CSMD1: variants seen among roughly 807,000 people sequenced by gnomAD.
CSMD1 encodes CUB and sushi domain-containing protein 1.
CSMD1 carries 213 observed loss-of-function variants against 417.5 expected under a neutral mutation model. The observed-to-expected ratio is 0.51, with a 90% CI of 0.46 to 0.57. CSMD1 has a LOEUF of 0.57. CSMD1 is among the 20% of genes least tolerant of loss of function. The pLI, the probability that CSMD1 is intolerant of heterozygous loss-of-function variation, is 0.00. For missense variants in CSMD1, 6,923 were observed against 4,529.7 expected, an observed-to-expected ratio of 1.53 and a Z score of -15.17; for synonymous variants, 2,862 against 1,736.8, an observed-to-expected ratio of 1.65 and a Z score of -16.11.
chr8:3,240,739 G>A (rs902274874), intron 26 of CSMD1, among the ~76,000 whole-genome samples: 5 of 152,108 alleles, frequency 3.3e-5, no homozygotes, highest in Admixed American at 6.5e-5. Context: ...GGGAGGTATC[G>A]AGGTTAGGAG....
intron 3 of CSMD1, among the ~76,000 whole-genome samples, chr8:4,241,876 A>T (rs540404626): frequency 1.2e-4 from 18 of 152,246 alleles, no homozygotes; most frequent in African/African-American, 2.4e-4. Context: ...AGAGAGAAAG[A>T]TGGAGGCAGA....
In CSMD1 at chr8:3,708,429, G is replaced by A. The variant is rs1801302689; in HGVS notation, c.994C>T (p.His332Tyr). 6.2e-7 allele frequency: 1 copy of A among 1,613,814 alleles called. No homozygotes were observed. Among genetic ancestry groups the A allele is most frequent in the Non-Finnish European group, 8.5e-7 (1 of 1,179,764 alleles). Residue 332 changes from histidine to tyrosine, a missense_variant, in exon 7 of 70, where the codon CAT becomes TAT. Physicochemically the swap from His to Tyr is moderately conservative, Grantham distance 83. Coordinates refer to ENST00000635120, the MANE Select transcript of CSMD1 (RefSeq NM_033225.6). ...VKMLPSKDGS[H>Y]KNSVLSQGGV... ...AGGGACTCACAGACAGAGTTTTTAT[G>A]GCTTCCATCCTTGCTGGGCAGCATC...
chr8:3,643,185 C>A (rs555401942), intron 7 of CSMD1, among the ~76,000 whole-genome samples: 5 of 151,966 alleles, frequency 3.3e-5, no homozygotes, highest in East Asian at 3.9e-4. Context: ...CCAGGAAGCT[C>A]AGGGAAAACC....
At chr8:3,623,527 T>A (rs1796357535) in intron 7 of CSMD1, among the ~76,000 whole-genome samples, 2 of 152,214 alleles carry the variant, frequency 1.3e-5, no homozygotes, top group South Asian at 4.1e-4. Context: ...GCGCTAAAAA[T>A]AATTACAATG....
intron 1 of CSMD1, among the ~76,000 whole-genome samples, chr8:4,724,141 C>A (rs1001188949): frequency 2.0e-5 from 3 of 152,068 alleles, no homozygotes; most frequent in Non-Finnish European, 4.4e-5. Context: ...CCTCCTCTTG[C>A]AAACAAAATA....
intron 54 of CSMD1, among the ~76,000 whole-genome samples, chr8:2,987,431 T>C (rs1001791046): frequency 1.3e-5 from 2 of 148,354 alleles, no homozygotes; most frequent in Admixed American, 1.3e-4. Flanking sequence ...TACATAAATA[T>C]ATATAAGAAA....
chr8:4,109,403 A>G (rs942908423), intron 3 of CSMD1, among the ~76,000 whole-genome samples: 3 of 152,186 alleles, frequency 2.0e-5, no homozygotes, highest in African/African-American at 7.2e-5. Flanking sequence ...AGCAAAAATA[A>G]AGAATCTTAA....
At chr8:4,696,667 G>T (rs1031950935) in intron 1 of CSMD1, among the ~76,000 whole-genome samples, 2 of 151,978 alleles carry the variant, frequency 1.3e-5, no homozygotes, top group Admixed American at 1.3e-4. Flanking sequence ...TTTTATTGTT[G>T]TCTTTATCCA....
At chr8:4,108,656 C>A (rs1801694899) in intron 3 of CSMD1, among the ~76,000 whole-genome samples, 2 of 152,206 alleles carry the variant, frequency 1.3e-5, no homozygotes, top group Admixed American at 1.3e-4. Flanking sequence ...CCACCTGACA[C>A]TTTCGACAAA....
chr8:3,648,740 C>G (rs998430422), intron 7 of CSMD1, among the ~76,000 whole-genome samples: 6 of 152,174 alleles, frequency 3.9e-5, no homozygotes, highest in African/African-American at 1.4e-4. Context: ...TGGCTCATGT[C>G]TGTGCACCTG....
intron 3 of CSMD1, among the ~76,000 whole-genome samples, chr8:4,384,129 A>G (rs890209035): frequency 1.3e-5 from 2 of 152,188 alleles, no homozygotes; most frequent in African/African-American, 4.8e-5. Flanking sequence ...TTCAGCTTTT[A>G]TCATACTTGA....
intron 7 of CSMD1, among the ~76,000 whole-genome samples, chr8:3,651,476 G>C (rs1168650088): frequency 3.3e-5 from 5 of 151,968 alleles, no homozygotes; most frequent in East Asian, 1.9e-4. Context: ...TCCCTTTCTA[G>C]AACACTCTTC....
At chr8:3,388,091 C>A (rs149186794) in intron 17 of CSMD1, among the ~76,000 whole-genome samples, 2 of 152,090 alleles carry the variant, frequency 1.3e-5, no homozygotes, top group African/African-American at 4.8e-5. Flanking sequence ...TTTATATATT[C>A]CAGTTAGATT....
chr8:4,279,399 T>A, intron 3 of CSMD1, among the ~76,000 whole-genome samples: 1 of 152,202 alleles, frequency 6.6e-6, no homozygotes, highest in East Asian at 1.9e-4. Flanking sequence ...GGATTCTGAA[T>A]CACCATTAAA....
intron 3 of CSMD1, among the ~76,000 whole-genome samples, chr8:4,199,891 T>G (rs868725511): frequency 2.0e-5 from 3 of 152,152 alleles, no homozygotes; most frequent in African/African-American, 7.2e-5. Flanking sequence ...AGGCCCTTAG[T>G]GGAAGACAAG....
chr8:3,279,366 C>G (rs1802560622), intron 26 of CSMD1, among the ~76,000 whole-genome samples: 1 of 152,162 alleles, frequency 6.6e-6, no homozygotes, highest in Admixed American at 6.5e-5. Context: ...GACTTCTTGT[C>G]AACTCGAATG....
intron 2 of CSMD1, among the ~76,000 whole-genome samples, chr8:4,428,861 G>A (rs1259698845): frequency 1.3e-5 from 2 of 151,952 alleles, no homozygotes; most frequent in African/African-American, 2.4e-5. Context: ...TGGGATTACA[G>A]GCACCACCAC....
intron 3 of CSMD1, among the ~76,000 whole-genome samples, chr8:4,168,041 A>C (rs1394028734): frequency 6.6e-6 from 1 of 151,974 alleles, no homozygotes; most frequent in Non-Finnish European, 1.5e-5. Flanking sequence ...AGGCCGTAGA[A>C]TTGCTTGAAA....
At chr8:4,238,690 A>G (rs1802211956) in intron 3 of CSMD1, among the ~76,000 whole-genome samples, 1 of 152,164 alleles carries the variant, frequency 6.6e-6, no homozygotes, top group South Asian at 2.1e-4. Context: ...TTGGCCCTCA[A>G]TACCTGTTAG....
Sources: gnomAD v4.1 joint callset for allele counts (sites outside exome capture counted in the v4.1 genomes callset) on GRCh38, gnomAD v4.1.1 for gene constraint, MANE v1.5 for transcripts, NCBI Gene and HGNC (gene_info 2026-07-23, HGNC 2026-07-21) for gene names.